Variants in SLC24A2 observed in about 807,000 individuals in gnomAD.
SLC24A2 encodes sodium/potassium/calcium exchanger 2.
Under a neutral mutation model 62.0 loss-of-function variants are expected in SLC24A2, and 36 were observed. That is an observed-to-expected ratio of 0.58 (90% CI 0.44 to 0.77). The LOEUF is 0.77. Among genes scored for constraint, SLC24A2 ranks in the 30% least tolerant of loss-of-function variants. The pLI, the probability that SLC24A2 is intolerant of heterozygous loss-of-function variation, is 0.00. For missense variants in SLC24A2, 846 were observed against 817.9 expected (o/e 1.03, Z -0.42); for synonymous variants, 358 against 294.0 (o/e 1.22, Z -2.23).
At chr9:19,684,071 C>G (rs1331015533) in intron 2 of SLC24A2, among the ~76,000 whole-genome samples, 2 of 152,150 alleles carry the variant, frequency 1.3e-5, no homozygotes, top group African/African-American at 2.4e-5. Flanking sequence ...GGTTTAAAAA[C>G]AGTAGACACA....
chr9:19,573,529 C>CACACACACAG lies in SLC24A2; in HGVS notation c.1229-61_1229-60insCTGTGTGTGT, dbSNP rs1390433234. 1.2e-3 allele frequency: 502 copies of CACACACACAG among 430,538 alleles called. 2 individuals are homozygous for CACACACACAG. The highest frequency in any genetic ancestry group is 6.7e-3 in the East Asian group (101 of 15,112). 26.7% of individuals were successfully genotyped at this position (430,538 alleles called of 1,614,324 possible). A position where few individuals can be genotyped will look rare whatever the true frequency, so the allele number is the denominator to read the frequency against. On this transcript the variant is annotated intron_variant, in intron 6 of 10. Coordinates refer to ENST00000341998, the MANE Select transcript of SLC24A2 (RefSeq NM_020344.4). ...ACACACACACACACACACACACACA[C>CACACACACAG]AGAGAGAGAGAGAGAGAGAGAGAGA...
the SLC24A2 span, among the ~76,000 whole-genome samples, chr9:20,048,865 T>G: frequency 2.6e-5 from 4 of 151,418 alleles, no homozygotes; most frequent in Admixed American, 2.6e-4. Flanking sequence ...ATCCTATTTT[T>G]AACTATTAGT....
chr9:19,922,814 C>CA, the SLC24A2 span, among the ~76,000 whole-genome samples: 160 of 152,266 alleles, frequency 1.1e-3, 1 homozygote, highest in Middle Eastern at 0.01. Context: ...TTGTACATGT[C>CA]TGAGTCTCAG....
chr9:20,213,541 G>T, the SLC24A2 span, among the ~76,000 whole-genome samples: 1 of 151,984 alleles, frequency 6.6e-6, no homozygotes, highest in Admixed American at 6.6e-5. Context: ...TAATACTTTT[G>T]AAAGTTATTA....
Position 19,518,316 on chromosome 9 carries a change from C to A in SLC24A2, c.1737-1914G>T, listed in dbSNP as rs570286465. On this transcript the variant is annotated intron_variant, in intron 10 of 10. Coordinates refer to ENST00000341998, the MANE Select transcript of SLC24A2 (RefSeq NM_020344.4). ...AAGATGAAAGATGCATACATACACA[C>A]AAATAGCAATGTAATTTCAATCATG... Among the ~76,000 whole-genome samples, 16 of 152,082 alleles carry A rather than the reference C, an allele frequency of 1.1e-4. 1 individual carries two copies. Among genetic ancestry groups the A allele is most frequent in the South Asian group, 6.2e-4 (3 of 4,812 alleles).
chr9:19,935,138 G>C, the SLC24A2 span, among the ~76,000 whole-genome samples: 1 of 151,466 alleles, frequency 6.6e-6, no homozygotes, highest in Non-Finnish European at 1.5e-5. Context: ...TCAATATTGT[G>C]CCTGCGTTTG....
chr9:19,667,433 C>T lies in SLC24A2; in HGVS notation c.931-45134G>A, dbSNP rs528920307. ...TTTCATTCTTATTGCCCAGGTCTGA[C>T]TGGTCATTGCATCCTGGTAGTTCTA... is the stretch of plus-strand genomic sequence containing the variant. On this transcript the variant is annotated intron_variant, in intron 2 of 10. Transcript: ENST00000341998. Among the ~76,000 whole-genome samples the T allele has an allele frequency of 3.9e-5, 6 of 152,328 alleles. No homozygotes were observed. The South Asian group carries it at 1.2e-3, about 32-fold the overall frequency.
At chr9:19,970,295 T>C in the SLC24A2 span, among the ~76,000 whole-genome samples, 1 of 152,312 alleles carries the variant, frequency 6.6e-6, no homozygotes, top group Admixed American at 6.5e-5. Flanking sequence ...AGTTAACTGA[T>C]AGCAGGGGGA....
the SLC24A2 span, among the ~76,000 whole-genome samples, chr9:19,826,691 G>C: frequency 6.6e-6 from 1 of 152,144 alleles, no homozygotes; most frequent in South Asian, 2.1e-4. Context: ...CTTTTAATAA[G>C]GCATTAATCT....
chr9:19,969,183 C>CCCCACACACACA, the SLC24A2 span, among the ~76,000 whole-genome samples: 4 of 122,272 alleles, frequency 3.3e-5, no homozygotes, highest in East Asian at 2.5e-4. Context: ...ACCTCCTTTG[C>CCCCACACACACA]CACACACACA....
At chr9:19,986,955 A>C in the SLC24A2 span, among the ~76,000 whole-genome samples, 4 of 152,070 alleles carry the variant, frequency 2.6e-5, no homozygotes, top group African/African-American at 7.3e-5. Flanking sequence ...TCAGTTAAGA[A>C]ATAAAAAGGA....
the SLC24A2 span, among the ~76,000 whole-genome samples, chr9:20,269,732 A>T: frequency 1.3e-5 from 2 of 151,848 alleles, no homozygotes; most frequent in Non-Finnish European, 1.5e-5. Flanking sequence ...TCTCTATCTC[A>T]TACTTTGTTT....
At chr9:20,111,148 A>T in the SLC24A2 span, among the ~76,000 whole-genome samples, 1 of 152,186 alleles carries the variant, frequency 6.6e-6, no homozygotes, top group East Asian at 1.9e-4. Flanking sequence ...GGATGGCATC[A>T]ACCTGGTTCC....
intron 7 of SLC24A2, among the ~76,000 whole-genome samples, chr9:19,559,734 G>T (rs1442818694): frequency 6.6e-6 from 1 of 152,080 alleles, no homozygotes; most frequent in Non-Finnish European, 1.5e-5. Flanking sequence ...TTTCACAAAG[G>T]AAATACCTAT....
the SLC24A2 span, among the ~76,000 whole-genome samples, chr9:20,011,933 T>A: frequency 6.6e-6 from 1 of 151,942 alleles, no homozygotes; most frequent in East Asian, 1.9e-4. Flanking sequence ...AAATGAAGGA[T>A]AAAAATCATA....
the SLC24A2 span, among the ~76,000 whole-genome samples, chr9:20,247,250 T>C: frequency 6.6e-6 from 1 of 152,204 alleles, no homozygotes; most frequent in Non-Finnish European, 1.5e-5. Context: ...CAGATTATTT[T>C]CTTTTCAAGC....
chr9:20,109,644 T>A, the SLC24A2 span, among the ~76,000 whole-genome samples: 1 of 152,192 alleles, frequency 6.6e-6, no homozygotes, highest in Non-Finnish European at 1.5e-5. Context: ...ACTGGGAAAC[T>A]TTTGGAAACT....
chr9:19,701,260 C>G (rs1351288520), intron 2 of SLC24A2, among the ~76,000 whole-genome samples: 1 of 152,206 alleles, frequency 6.6e-6, no homozygotes, highest in Non-Finnish European at 1.5e-5. Context: ...AGATAAAAGA[C>G]ATATTGTAGC....
chr9:19,582,517 G>C (rs891403748), intron 5 of SLC24A2, among the ~76,000 whole-genome samples: 4 of 152,154 alleles, frequency 2.6e-5, no homozygotes, highest in African/African-American at 9.7e-5. Context: ...CCATGGCTTG[G>C]GAGAAGAAAG....
Sources: gnomAD v4.1 joint callset for allele counts (sites outside exome capture counted in the v4.1 genomes callset) on GRCh38, gnomAD v4.1.1 for gene constraint, MANE v1.5 for transcripts, NCBI Gene and HGNC (gene_info 2026-07-23, HGNC 2026-07-21) for gene names.